GRM8: variants seen among roughly 807,000 people sequenced by gnomAD.
The protein encoded by GRM8 is glutamate metabotropic receptor 8.
GRM8 carries 47 observed loss-of-function variants against 87.2 expected under a neutral mutation model. The ratio of observed to expected loss-of-function variants is 0.54; its 90% CI spans 0.43 to 0.69. The LOEUF (loss-of-function observed/expected upper bound fraction) is 0.69. Ranked by LOEUF, GRM8 falls within the 30% of genes least tolerant of loss-of-function variation. The pLI is 0.00. For missense variants in GRM8, 1,019 were observed against 1,139.2 expected, an observed-to-expected ratio of 0.89 and a Z score of 1.52; for synonymous variants, 396 against 404.5, an observed-to-expected ratio of 0.98 and a Z score of 0.25.
intron 6 of GRM8, among the ~76,000 whole-genome samples, chr7:126,901,433 T>A (rs531752378): frequency 6.6e-6 from 1 of 152,256 alleles, no homozygotes; most frequent in Admixed American, 6.5e-5. Flanking sequence ...CTCCCCACAC[T>A]CAAATGTAAG....
intron 8 of GRM8, among the ~76,000 whole-genome samples, chr7:126,574,312 A>C (rs531129957): frequency 2.4e-4 from 37 of 152,306 alleles, no homozygotes; most frequent in African/African-American, 8.9e-4. Flanking sequence ...GTGGGAGATA[A>C]GCAACTCCAC....
chr7:127,023,221 C>G (rs776649439), intron 3 of GRM8, among the ~76,000 whole-genome samples: 36 of 152,098 alleles, frequency 2.4e-4, no homozygotes, highest in African/African-American at 8.7e-4. Flanking sequence ...AATTATAAAA[C>G]GTTGTTTATT....
intron 10 of GRM8, among the ~76,000 whole-genome samples, chr7:126,440,269 G>A (rs749166093): frequency 3.3e-5 from 5 of 151,426 alleles, no homozygotes; most frequent in East Asian, 2.0e-4. Context: ...AAAATTAGCC[G>A]AGCATAGTGG....
chr7:126,474,250 A>ATGTG (rs149228365), intron 9 of GRM8, among the ~76,000 whole-genome samples: 4,014 of 149,074 alleles, frequency 0.027, 172 homozygotes, highest in African/African-American at 0.093. Context: ...ATGTTTGTGC[A>ATGTG]TGTGTGTGTG....
intron 6 of GRM8, among the ~76,000 whole-genome samples, chr7:126,899,847 A>G (rs1276152611): frequency 1.3e-5 from 2 of 151,946 alleles, no homozygotes; most frequent in Non-Finnish European, 1.5e-5. Context: ...AACTTCTTGA[A>G]ACAGCATCCT....
intron 9 of GRM8, among the ~76,000 whole-genome samples, chr7:126,457,886 ACT>A (rs1740879598): frequency 6.6e-6 from 1 of 151,150 alleles, no homozygotes. Context: ...AAATTAAACC[ACT>A]CACAAGGTTG....
intron 2 of GRM8, among the ~76,000 whole-genome samples, chr7:127,198,223 T>C (rs1563573134): frequency 6.6e-6 from 1 of 152,206 alleles, no homozygotes; most frequent in Non-Finnish European, 1.5e-5. Context: ...ATAAATTTTC[T>C]CTTTTAGCTA....
At chr7:127,085,428 A>T (rs1157457954) in intron 3 of GRM8, among the ~76,000 whole-genome samples, 1 of 152,224 alleles carries the variant, frequency 6.6e-6, no homozygotes, top group Non-Finnish European at 1.5e-5. Context: ...CATTCCCACC[A>T]ACAGTGTAAA....
intron 8 of GRM8, among the ~76,000 whole-genome samples, chr7:126,599,691 C>G (rs1039695042): frequency 2.9e-4 from 44 of 152,074 alleles, no homozygotes; most frequent in Admixed American, 2.8e-3. Flanking sequence ...GCCTCCAGAC[C>G]AAGAGAGAAT....
intron 8 of GRM8, among the ~76,000 whole-genome samples, chr7:126,540,913 T>C (rs953459776): frequency 2.9e-4 from 44 of 152,214 alleles, no homozygotes; most frequent in African/African-American, 1.0e-3. Context: ...ATTTTTGGCG[T>C]GTAAGTTATC....
intron 3 of GRM8, among the ~76,000 whole-genome samples, chr7:127,041,354 A>G (rs1818413181): frequency 6.6e-6 from 1 of 152,242 alleles, no homozygotes; most frequent in Admixed American, 6.5e-5. Context: ...GCTGAAATAT[A>G]TGACATATGG....
chr7:126,553,662 T>C (rs976532829), intron 8 of GRM8, among the ~76,000 whole-genome samples: 1 of 152,150 alleles, frequency 6.6e-6, no homozygotes, highest in Admixed American at 6.5e-5. Flanking sequence ...TATCACATGG[T>C]AGTAATCTGA....
intron 7 of GRM8, among the ~76,000 whole-genome samples, chr7:126,668,606 C>G (rs778134849): frequency 2.0e-5 from 3 of 152,146 alleles, no homozygotes; most frequent in East Asian, 1.9e-4. Flanking sequence ...GGCATGCTGC[C>G]GCAGCCTTCC....
intron 3 of GRM8, among the ~76,000 whole-genome samples, chr7:126,943,209 C>A (rs1261000466): frequency 6.6e-6 from 1 of 152,192 alleles, no homozygotes; most frequent in Non-Finnish European, 1.5e-5. Flanking sequence ...TGGTCAGAGT[C>A]ACCAAGTTTT....
chr7:126,499,482 T>C (rs1809311114), intron 9 of GRM8, among the ~76,000 whole-genome samples: 1 of 151,200 alleles, frequency 6.6e-6, no homozygotes, highest in African/African-American at 2.4e-5. Context: ...CCAAAGAAAA[T>C]GACATCGGTA....
intron 7 of GRM8, among the ~76,000 whole-genome samples, chr7:126,641,201 G>A (rs894688762): frequency 2.6e-5 from 4 of 152,076 alleles, no homozygotes; most frequent in East Asian, 1.9e-4. Flanking sequence ...CTATATTTAT[G>A]TGCTCTCTTT....
At chr7:127,074,971 C>G (rs1822109889) in intron 3 of GRM8, among the ~76,000 whole-genome samples, 1 of 152,218 alleles carries the variant, frequency 6.6e-6, no homozygotes, top group Non-Finnish European at 1.5e-5. Context: ...AGTATTCCAA[C>G]AGAAGACTGG....
chr7:126,601,706 GT>G (rs1270289737), intron 8 of GRM8, among the ~76,000 whole-genome samples: 1 of 149,058 alleles, frequency 6.7e-6, no homozygotes, highest in South Asian at 2.2e-4. Flanking sequence ...TTTTTCATGT[GT>G]TTTTTGGCTG....
chr7:126,817,006 CATT>C (rs951993114), intron 6 of GRM8, among the ~76,000 whole-genome samples: 2 of 152,000 alleles, frequency 1.3e-5, no homozygotes, highest in African/African-American at 2.4e-5. Flanking sequence ...AATATAACCA[CATT>C]ATTATACTCC....
Sources: allele counts gnomAD v4.1 joint callset (sites outside exome capture counted in the v4.1 genomes callset), GRCh38; gene constraint gnomAD v4.1.1; transcripts MANE v1.5; gene names NCBI Gene and HGNC (gene_info 2026-07-23, HGNC 2026-07-21).